Variants in RBPMS observed in about 807,000 individuals in gnomAD.
The protein encoded by RBPMS is RNA-binding protein with multiple splicing.
Under a neutral mutation model 26.8 loss-of-function variants are expected in RBPMS, and 7 were observed. The observed-to-expected ratio is 0.26, with a 90% CI of 0.15 to 0.49. The LOEUF (loss-of-function observed/expected upper bound fraction) is 0.49. RBPMS is among the 20% of genes least tolerant of loss of function. The pLI is 0.98. For missense variants in RBPMS, 186 were observed against 250.0 expected (o/e 0.74, Z 1.73); for synonymous variants, 96 against 93.3 (o/e 1.03, Z -0.17).
rs1379820647 is a variant in RBPMS, at chr8:30,540,855, C to T, written c.398-3639C>T. The stretch of plus-strand genomic sequence containing the variant: ...GGATCATGGGATAGATTCACCAGGA[C>T]CTTGATGAAAGAATGAATGAGAGGG... On this transcript the variant is annotated intron_variant, in intron 5 of 8. Coordinates refer to ENST00000397323, the MANE Select transcript of RBPMS (RefSeq NM_001008710.3). 2.0e-5 allele frequency among the ~76,000 whole-genome samples: 3 copies of T among 152,222 alleles called. No homozygotes were observed. The East Asian group carries it at 5.8e-4, about 29-fold the overall frequency.
chr8:30,529,451 G>A (rs1257057892), intron 5 of RBPMS, among the ~76,000 whole-genome samples: 1 of 151,696 alleles, frequency 6.6e-6, no homozygotes, highest in African/African-American at 2.4e-5. Flanking sequence ...GCAGTGAGCT[G>A]AGATGGTGCC....
chr8:30,393,496 T>A (rs567527300), intron 1 of RBPMS, among the ~76,000 whole-genome samples: 1 of 152,194 alleles, frequency 6.6e-6, no homozygotes, highest in South Asian at 2.1e-4. Context: ...CCCAAAGACA[T>A]CTAATCTGTG....
intron 1 of RBPMS, among the ~76,000 whole-genome samples, chr8:30,409,017 G>T (rs1808977637): frequency 6.6e-6 from 1 of 152,050 alleles, no homozygotes; most frequent in Non-Finnish European, 1.5e-5. Context: ...CTTGTAGCAT[G>T]AATTGGTACC....
At chr8:30,389,738 A>G (rs1807560304) in intron 1 of RBPMS, among the ~76,000 whole-genome samples, 1 of 152,184 alleles carries the variant, frequency 6.6e-6, no homozygotes, top group African/African-American at 2.4e-5. Flanking sequence ...GAAGGGGAAT[A>G]TTGTGCAACC....
intron 5 of RBPMS, among the ~76,000 whole-genome samples, chr8:30,528,968 C>T (rs2979503): frequency 0.19 from 29,031 of 151,784 alleles, 3,120 homozygotes; most frequent in South Asian, 0.39. Context: ...GTAATCCCAG[C>T]GCTTTTGGGG....
intron 5 of RBPMS, among the ~76,000 whole-genome samples, chr8:30,521,579 C>G (rs1286613852): frequency 6.6e-6 from 1 of 152,030 alleles, no homozygotes; most frequent in Non-Finnish European, 1.5e-5. Context: ...GGGTTATTAT[C>G]GTATAAAATT....
intron 6 of RBPMS, chr8:30,552,601 C>T (rs889693698): frequency 6.6e-6 from 1 of 152,206 alleles, no homozygotes; most frequent in Non-Finnish European, 1.5e-5. Context: ...AACAGACTGA[C>T]AGAATTAAAT....
At chr8:30,529,407 C>G (rs1209320274) in intron 5 of RBPMS, among the ~76,000 whole-genome samples, 9 of 151,968 alleles carry the variant, frequency 5.9e-5, no homozygotes. Context: ...GAGACTGAGG[C>G]AGGAGAATCG....
At chr8:30,425,112 C>T (rs555428399) in intron 1 of RBPMS, among the ~76,000 whole-genome samples, 4 of 152,026 alleles carry the variant, frequency 2.6e-5, no homozygotes, top group South Asian at 4.2e-4. Context: ...TGCATCACCA[C>T]GCCCAACTAA....
chr8:30,513,053 ATTTCACCCCTTT>A (rs1426005788), intron 5 of RBPMS, among the ~76,000 whole-genome samples: 1 of 151,200 alleles, frequency 6.6e-6, no homozygotes, highest in East Asian at 2.0e-4. Context: ...ACACGTCATT[ATTTCACCCCTTT>A]TTCTTGCCTC....
Position 30,477,937 on chromosome 8 carries a change from G to C in RBPMS, c.183+100G>C. On this transcript the variant is annotated intron_variant, in intron 3 of 8. Transcript: ENST00000397323. Reference sequence around the variant, plus strand: ...TTTTTTATTCCCATTAGAATTTGAGGGGTTTTTTGTCTTTAAAATTAAAAG... The same window carrying C: ...TTTTTTATTCCCATTAGAATTTGAGCGGTTTTTTGTCTTTAAAATTAAAAG... 7 of 817,028 alleles carry C rather than the reference G, an allele frequency of 8.6e-6. No individual in the cohort carries two copies. In the South Asian group the frequency reaches 1.1e-4, roughly 13 times the overall value. 50.6% of individuals were successfully genotyped at this position (817,028 alleles called of 1,614,324 possible).
intron 6 of RBPMS, among the ~76,000 whole-genome samples, chr8:30,551,652 A>C (rs1293407114): frequency 6.6e-6 from 1 of 152,150 alleles, no homozygotes; most frequent in Non-Finnish European, 1.5e-5. Flanking sequence ...AACAAGTCGC[A>C]CCTGGAAGTG....
At chr8:30,544,878 T>G (rs1300900996) in intron 6 of RBPMS, 1 of 1,500,942 alleles carries the variant, frequency 6.7e-7, no homozygotes, top group African/African-American at 1.4e-5. Context: ...TCACCTCATA[T>G]CGCACATGAG....
intron 7 of RBPMS, among the ~76,000 whole-genome samples, chr8:30,560,740 G>A (rs975030560): frequency 7.9e-5 from 12 of 152,208 alleles, no homozygotes; most frequent in Non-Finnish European, 1.3e-4. Context: ...TTAAGAGGAG[G>A]GGGCTCTGGT....
At chr8:30,455,380 C>A (rs1268745058) in intron 1 of RBPMS, among the ~76,000 whole-genome samples, 1 of 151,924 alleles carries the variant, frequency 6.6e-6, no homozygotes, top group Non-Finnish European at 1.5e-5. Flanking sequence ...CTTGCCTACT[C>A]TCAAGGAATT....
intron 1 of RBPMS, among the ~76,000 whole-genome samples, chr8:30,409,846 T>G (rs988473676): frequency 6.6e-6 from 1 of 151,776 alleles, no homozygotes; most frequent in Non-Finnish European, 1.5e-5. Flanking sequence ...TTGGCCAGGC[T>G]GGTCTCGATC....
intron 5 of RBPMS, among the ~76,000 whole-genome samples, chr8:30,511,637 G>A (rs115741134): frequency 0.25 from 36,322 of 148,192 alleles, 4,789 homozygotes; most frequent in East Asian, 0.4. Flanking sequence ...GTGTGTGTGT[G>A]TATATAGATA....
intron 5 of RBPMS, among the ~76,000 whole-genome samples, chr8:30,509,017 C>G (rs1821324409): frequency 1.3e-5 from 2 of 152,102 alleles, no homozygotes; most frequent in Admixed American, 6.6e-5. Context: ...ATGAAGATTC[C>G]TGTACTCCAG....
chr8:30,566,415 G>A (rs990296121), intron 8 of RBPMS, 55 bp downstream of exon 8: 4 of 515,736 alleles, frequency 7.8e-6, no homozygotes, highest in African/African-American at 6.3e-5. Flanking sequence ...CGAACACGTG[G>A]GAACTGTGGG....
Sources: gnomAD v4.1 joint callset for allele counts (sites outside exome capture counted in the v4.1 genomes callset) on GRCh38, gnomAD v4.1.1 for gene constraint, MANE v1.5 for transcripts, NCBI Gene and HGNC (gene_info 2026-07-23, HGNC 2026-07-21) for gene names.